The following ZNF18 variants were observed in gnomAD, a reference collection of about 807,000 sequenced individuals.
ZNF18 encodes the protein heart development-specific gene 1 protein.
ZNF18 carries 42 observed loss-of-function variants against 58.1 expected under a neutral mutation model. The ratio of observed to expected loss-of-function variants is 0.72; its 90% CI spans 0.56 to 0.93. ZNF18 has a LOEUF of 0.93. ZNF18 is among the 40% of genes least tolerant of loss of function. ZNF18 has a pLI of 0.00. For synonymous variants in ZNF18, 231 were observed against 239.8 expected (o/e 0.96, Z 0.34); for missense variants, 540 against 644.2 (o/e 0.84, Z 1.75).
At chr17:11,986,787 G>A (rs1290610318) in intron 4 of ZNF18, among the ~76,000 whole-genome samples, 1 of 152,184 alleles carries the variant, frequency 6.6e-6, no homozygotes, top group Admixed American at 6.5e-5. Flanking sequence ...CTGCCTGGCT[G>A]CCTGGCTTGC....
In ZNF18 at chr17:11,992,440, T is replaced by C. The variant is rs1968186955; in HGVS notation, c.387+3A>G. The stretch of plus-strand genomic sequence containing the variant: ...CTCGCAGATCATAATACCCTCTGCT[T>C]ACCCATTGCCACAGTCTCTGGGGGT... On this transcript the variant is annotated splice_donor_region_variant and intron_variant, in intron 2 of 6. Transcript: ENST00000580306. 6.2e-7 allele frequency: 1 copy of C among 1,612,910 alleles called. No homozygotes were observed.
At chr17:11,993,734 G>A (rs1054315868) in intron 1 of ZNF18, 1 of 150,428 alleles carries the variant, frequency 6.6e-6, no homozygotes, top group Non-Finnish European at 1.5e-5. Flanking sequence ...TGAGGCAGAA[G>A]AATGGGGTGA....
chr17:11,992,393 CAG>C, intron 2 of ZNF18, 48 bp downstream of exon 2: 1 of 1,574,976 alleles, frequency 6.3e-7, no homozygotes, highest in African/African-American at 1.4e-5. Flanking sequence ...CTGATGGGAC[CAG>C]AGAGGAGCCC....
At chr17:11,983,465 G>A in intron 5 of ZNF18, 58 bp from the exon 6 acceptor site, 3 of 1,401,224 alleles carry the variant, frequency 2.1e-6, no homozygotes, top group African/African-American at 1.4e-5. Flanking sequence ...GGGAGCTCAA[G>A]CTGTGTCTTT....
Position 11,978,411 on chromosome 17 carries a change from G to A in ZNF18, c.1196C>T (p.Pro399Leu). The change falls in exon 7 of 7, where the codon CCA becomes CTA. Residue 399 changes from proline (P) to leucine (L), a missense_variant. Coordinates refer to ENST00000580306, the MANE Select transcript of ZNF18 (RefSeq NM_001303281.2). ...EKRETSQKGQ[P>L]RAPMAQKLPT... Reference sequence around the variant, plus strand: ...GAGCTTCTGGGCCATGGGGGCTCTTGGCTGCCCCTTCTGGGAGGTCTCTCT... The same window carrying A: ...GAGCTTCTGGGCCATGGGGGCTCTTAGCTGCCCCTTCTGGGAGGTCTCTCT... The A allele has an allele frequency of 6.5e-7, 1 of 1,546,816 alleles. No individual in the cohort carries two copies. The highest frequency in any genetic ancestry group is 1.3e-5 in the South Asian group (1 of 77,840).
At position 11,984,217 on chromosome 17, in the gene ZNF18, A is replaced by AAG; in HGVS notation, c.667-21_667-20insCT. ...CTGTTCCTGGAAAAAAAAAAAAAAA[A>AAG]GCAATACAATACCATGACTCCAATG... On this transcript the variant is annotated intron_variant, in intron 4 of 6. Transcript: ENST00000580306. 7.2e-7 allele frequency: 1 copy of AAG among 1,388,224 alleles called. No homozygotes were observed. The highest frequency in any genetic ancestry group is 1.0e-6 in the Non-Finnish European group (1 of 995,970). 86.0% of individuals were successfully genotyped at this position (1,388,224 alleles called of 1,614,324 possible).
chr17:11,990,946 A>G (rs1387901431), intron 3 of ZNF18, 28 bp downstream of exon 3: 2 of 1,597,078 alleles, frequency 1.3e-6, no homozygotes, highest in Non-Finnish European at 8.5e-7. Flanking sequence ...AATCTCTCCA[A>G]GAGAACACCA....
the ZNF18 span, chr17:12,010,802 C>T: frequency 1.5e-5 from 6 of 388,018 alleles, no homozygotes; most frequent in East Asian, 2.4e-4. Flanking sequence ...CTGGTTCTCA[C>T]GAAGTGTGCT....
At chr17:12,001,143 C>T (rs911386134), upstream of ZNF18, among the ~76,000 whole-genome samples, 1 of 152,116 alleles carries the variant, frequency 6.6e-6, no homozygotes, top group Non-Finnish European at 1.5e-5. Flanking sequence ...CCACATGGAA[C>T]ACTCACAGAA....
At chr17:12,014,875 CGT>C in the ZNF18 span, among the ~76,000 whole-genome samples, 1 of 151,920 alleles carries the variant, frequency 6.6e-6, no homozygotes, top group South Asian at 2.1e-4. Context: ...ACGGTGAAAC[CGT>C]CTCTACTAAA....
intron 1 of ZNF18, among the ~76,000 whole-genome samples, chr17:11,995,855 A>C (rs576585112): frequency 6.6e-6 from 1 of 152,314 alleles, no homozygotes; most frequent in Non-Finnish European, 1.5e-5. Context: ...CAAATGACTG[A>C]TATCTTAAAA....
chr17:12,020,820 C>A, the ZNF18 span: 3 of 700,336 alleles, frequency 4.3e-6, no homozygotes, highest in Non-Finnish European at 5.9e-6. Context: ...CGCCCCTCGG[C>A]CGTGCGAGAG....
At chr17:12,018,533 G>C in the ZNF18 span, among the ~76,000 whole-genome samples, 686 of 152,282 alleles carry the variant, frequency 4.5e-3, 10 homozygotes, top group African/African-American at 0.016. Context: ...TTACTTTAAA[G>C]ACCCTATTTC....
upstream of ZNF18, among the ~76,000 whole-genome samples, chr17:12,001,371 TG>T (rs1461536978): frequency 2.0e-5 from 3 of 152,178 alleles, no homozygotes; most frequent in Non-Finnish European, 4.4e-5. Context: ...GGCTTACACC[TG>T]TAATCCCAAC....
At chr17:11,980,980 G>C (rs1408078272) in intron 6 of ZNF18, among the ~76,000 whole-genome samples, 1 of 152,006 alleles carries the variant, frequency 6.6e-6, no homozygotes, top group Non-Finnish European at 1.5e-5. Context: ...TTATTAGCAG[G>C]GTAAGTATAT....
the ZNF18 span, among the ~76,000 whole-genome samples, chr17:12,008,327 G>T: frequency 6.6e-6 from 1 of 152,132 alleles, no homozygotes; most frequent in Non-Finnish European, 1.5e-5. Context: ...CATGCAATTT[G>T]CAGTGAGTCA....
rs145623670 is a variant in ZNF18, at chr17:11,991,130, A to G, written c.421T>C (p.Ser141Pro). The G allele has an allele frequency of 1.5e-4, 237 of 1,614,036 alleles. No homozygotes were observed. Among genetic ancestry groups the G allele is most frequent in the Non-Finnish European group, 1.9e-4 (227 of 1,180,024 alleles). The change falls in exon 3 of 7, where the codon TCA (serine) becomes CCA (proline). Residue 141 changes from serine (S) to proline (P), a missense_variant. Ser to Pro is a moderately conservative substitution (Grantham distance 74). Transcript: ENST00000580306. ...CAGCTTGGAGATTCCATCTTCTCTGATAAGATGTCCTGTCCTAGAACCTGG... is the reference window on the plus strand; with the variant it reads ...CAGCTTGGAGATTCCATCTTCTCTGGTAAGATGTCCTGTCCTAGAACCTGG... ...SIQVLGQDIL[S>P]EKMESPSCQV...
At chr17:11,980,265 T>A (rs72819221) in intron 6 of ZNF18, among the ~76,000 whole-genome samples, 27,395 of 152,150 alleles carry the variant, frequency 0.18, 2,585 homozygotes, top group East Asian at 0.23. Flanking sequence ...AAATTTTAAT[T>A]CTTAAGTTAT....
At chr17:12,020,361 G>T in the ZNF18 span, among the ~76,000 whole-genome samples, 1 of 152,186 alleles carries the variant, frequency 6.6e-6, no homozygotes, top group East Asian at 1.9e-4. Flanking sequence ...TCCCCTCAGA[G>T]AAGTGTAGAG....
Sources: allele counts gnomAD v4.1 joint callset (sites outside exome capture counted in the v4.1 genomes callset), GRCh38; gene constraint gnomAD v4.1.1; transcripts MANE v1.5; gene names NCBI Gene and HGNC (gene_info 2026-07-23, HGNC 2026-07-21).